The following DENND2A variants were observed in gnomAD, a reference collection of about 807,000 sequenced individuals.
DENND2A encodes DENN domain containing 2A, also known as DENN domain-containing protein 2A.
In DENND2A, 53 loss-of-function variants were observed where a neutral mutation model predicts 105.3. The observed-to-expected ratio is 0.50, with a 90% confidence interval of 0.40 to 0.63. The LOEUF (loss-of-function observed/expected upper bound fraction) is 0.63, where lower values mean the gene tolerates loss of function less well. Ranked by LOEUF, DENND2A falls within the 30% of genes least tolerant of loss-of-function variation. DENND2A has a pLI of 0.00. For missense variants in DENND2A, 1,138 were observed against 1,279.6 expected, an observed-to-expected ratio of 0.89 and a Z score of 1.69; for synonymous variants, 522 against 508.4, an observed-to-expected ratio of 1.03 and a Z score of -0.36.
chr7:140,609,563 T>G (rs1264479388), intron 1 of DENND2A, among the ~76,000 whole-genome samples: 2 of 152,310 alleles, frequency 1.3e-5, no homozygotes, highest in Admixed American at 1.3e-4. Context: ...TAAAAAGTCC[T>G]ACAAAATTTT....
intron 13 of DENND2A, 111 bp from the exon 14 acceptor site, chr7:140,544,877 G>C (rs560846768): frequency 3.4e-6 from 5 of 1,487,824 alleles, no homozygotes; most frequent in African/African-American, 2.8e-5. Context: ...TGACCCACTG[G>C]TGGGGGAAAA....
At chr7:140,519,895 C>A (rs1361791186) in intron 18 of DENND2A, among the ~76,000 whole-genome samples, 177 bp from the exon 19 acceptor site, 1 of 152,176 alleles carries the variant, frequency 6.6e-6, no homozygotes, top group Non-Finnish European at 1.5e-5. Context: ...AATTGCCCCA[C>A]CTGTGCAGTA....
chr7:140,553,891 T>C (rs1233092741), intron 12 of DENND2A, among the ~76,000 whole-genome samples: 1 of 152,206 alleles, frequency 6.6e-6, no homozygotes, highest in African/African-American at 2.4e-5. Context: ...CTATGTCTAC[T>C]TCTTTCTACA....
intron 1 of DENND2A, among the ~76,000 whole-genome samples, chr7:140,619,099 G>T (rs1800189254): frequency 6.6e-6 from 1 of 151,940 alleles, no homozygotes; most frequent in South Asian, 2.1e-4. Flanking sequence ...CGCCCGGCCT[G>T]ATTATATATT....
At position 140,640,800 on chromosome 7, in the gene DENND2A, C is replaced by A; in HGVS notation, c.-544G>T. 6.6e-6 allele frequency: 1 copy of A among 151,202 alleles called. No homozygotes were observed. Among genetic ancestry groups the A allele is most frequent in the South Asian group, 2.1e-4 (1 of 4,874 alleles). The allele number at this position is 151,202 out of a possible 1,614,324, so 9.4% of individuals were successfully genotyped here. A position where few individuals can be genotyped will look rare whatever the true frequency, so the allele number is the denominator to read the frequency against. On this transcript the variant is annotated 5_prime_UTR_variant, in exon 1 of 20. Transcript: ENST00000496613. The surrounding 1 kb of genome is among the most constrained non-coding windows in gnomAD (Gnocchi z 4.9). ...GCCCCTGCCTCCTCCTGCCGTGGCTCCGCGACGATCTGCGCGACGCGCGCC... is the reference window on the plus strand; with the variant it reads ...GCCCCTGCCTCCTCCTGCCGTGGCTACGCGACGATCTGCGCGACGCGCGCC...
intron 4 of DENND2A, 37 bp from the exon 5 acceptor site, chr7:140,585,747 A>T: frequency 6.2e-7 from 1 of 1,613,576 alleles, no homozygotes; most frequent in Admixed American, 1.7e-5. Context: ...ACCTGGGAAC[A>T]CTGAGGACAT....
At chr7:140,584,474 G>T (rs1379558879) in intron 5 of DENND2A, among the ~76,000 whole-genome samples, 1 of 152,148 alleles carries the variant, frequency 6.6e-6, no homozygotes, top group East Asian at 1.9e-4. Flanking sequence ...GATGGAAGGG[G>T]CATTTGTATG....
intron 3 of DENND2A, among the ~76,000 whole-genome samples, chr7:140,592,212 A>AT (rs576837816): frequency 0.3 from 40,563 of 134,150 alleles, 6,160 homozygotes; most frequent in Middle Eastern, 0.38. Context: ...GCTAATTTTT[A>AT]TTTTTTTTTT....
chr7:140,596,323 C>T (rs1294660396), intron 3 of DENND2A, among the ~76,000 whole-genome samples: 1 of 152,170 alleles, frequency 6.6e-6, no homozygotes, highest in Admixed American at 6.5e-5. Context: ...AGCTTTTGCT[C>T]TAAACATCAA....
chr7:140,641,004 C>T (rs577372139), upstream of DENND2A, among the ~76,000 whole-genome samples: 3 of 149,174 alleles, frequency 2.0e-5, no homozygotes, highest in Non-Finnish European at 3.0e-5. Context: ...TGGCTTAACC[C>T]TTCCTGGGAG....
In DENND2A at chr7:140,523,259, C is replaced by T. The variant is rs1795926673; in HGVS notation, c.2665+48G>A. 2.5e-6 allele frequency: 4 copies of T among 1,582,078 alleles called. No individual in the cohort carries two copies. The highest frequency in any genetic ancestry group is 3.5e-6 in the Non-Finnish European group (4 of 1,151,004). Reference sequence around the variant, plus strand: ...GGCCACTGCCCATTTGTTCCCTGACCCTCAGAGTGGAAGGGAGAGACCCAC... The same window carrying T: ...GGCCACTGCCCATTTGTTCCCTGACTCTCAGAGTGGAAGGGAGAGACCCAC... On this transcript the variant is annotated intron_variant, in intron 17 of 19. Transcript: ENST00000496613. The surrounding 1 kb of genome is among the most constrained non-coding windows in gnomAD (Gnocchi z 4.5).
intron 8 of DENND2A, 31 bp from the exon 9 acceptor site, chr7:140,567,304 AAGAGAGAGAGAG>A (rs60964847): frequency 2.7e-4 from 178 of 659,884 alleles, no homozygotes; most frequent in East Asian, 2.3e-3. Context: ...GAAAGAGAGA[AAGAGAGAGAGAG>A]AGAGAGAGAG....
rs374490604 is a variant in DENND2A, at chr7:140,555,704, T to G, written c.1969A>C (p.Lys657Gln). Residue 657 changes from lysine (K) to glutamine (Q), a missense_variant, in exon 12 of 20, where the codon AAA becomes CAA. Physicochemically the swap from Lys to Gln is moderately conservative, Grantham distance 53 (BLOSUM62 1). Transcript: ENST00000496613. ...TAAACTTCAGGAAGGCGCTTCCCTT[T>G]GCCTCCAGGCTTTTCGGAGAGAAAC... is the stretch of plus-strand genomic sequence containing the variant. ...GYCRRLLPGG[K>Q]GKRLPEVYCI... The G allele has an allele frequency of 1.0e-5, 16 of 1,604,270 alleles. No homozygotes were observed. The highest frequency in any genetic ancestry group is 1.4e-5 in the Non-Finnish European group (16 of 1,177,356).
intron 12 of DENND2A, among the ~76,000 whole-genome samples, chr7:140,550,750 G>A (rs1253720830): frequency 4.6e-5 from 7 of 151,846 alleles, no homozygotes; most frequent in African/African-American, 1.5e-4. Flanking sequence ...GTGAGCCACC[G>A]CGCCTGGCCT....
At chr7:140,522,270 C>G (rs956916191) in intron 17 of DENND2A, among the ~76,000 whole-genome samples, 170 bp from the exon 18 acceptor site, 12 of 152,074 alleles carry the variant, frequency 7.9e-5, no homozygotes, top group African/African-American at 2.7e-4. Flanking sequence ...TCTTTCCATG[C>G]TTAATTTTTT....
At chr7:140,532,036 G>A (rs185421449) in intron 14 of DENND2A, among the ~76,000 whole-genome samples, 1 of 152,030 alleles carries the variant, frequency 6.6e-6, no homozygotes, top group Admixed American at 6.6e-5. Context: ...GCTGAGGCAG[G>A]TAGATCACCT....
chr7:140,579,456 G>C (rs1798444144), intron 5 of DENND2A, among the ~76,000 whole-genome samples: 1 of 151,182 alleles, frequency 6.6e-6, no homozygotes, highest in African/African-American at 2.4e-5. Flanking sequence ...GCAATGGTGG[G>C]ATCTCAGCTC....
At chr7:140,609,593 A>C (rs1373020682) in intron 1 of DENND2A, among the ~76,000 whole-genome samples, 1 of 152,222 alleles carries the variant, frequency 6.6e-6, no homozygotes, top group Non-Finnish European at 1.5e-5. Context: ...TGATGAGTAC[A>C]CAAGAGTTCA....
Position 140,611,579 on chromosome 7 carries a change from G to A in DENND2A, c.-247-5773C>T, listed in dbSNP as rs533930901. 2.2e-4 allele frequency among the ~76,000 whole-genome samples: 33 copies of A among 152,158 alleles called. No individual in the cohort carries two copies. In the South Asian group the frequency reaches 2.5e-3, roughly 12 times the overall value. The stretch of plus-strand genomic sequence containing the variant: ...TAAATATAAAATGAAATGTGGAAGC[G>A]TTGGTCAATTGATGGATTTTAAAAA... On this transcript the variant is annotated intron_variant, in intron 1 of 19. Coordinates refer to ENST00000496613, the MANE Select transcript of DENND2A (RefSeq NM_015689.5).
Sources: gnomAD v4.1 joint callset for allele counts (sites outside exome capture counted in the v4.1 genomes callset) on GRCh38, gnomAD v4.1.1 for gene constraint, Gnocchi (gnomAD v3.1) non-coding constraint, MANE v1.5 for transcripts, NCBI Gene and HGNC (gene_info 2026-07-23, HGNC 2026-07-21) for gene names.